TSHZ3: variants seen among roughly 807,000 people sequenced by gnomAD.
The protein encoded by TSHZ3 is teashirt zinc finger homeobox 3.
A neutral mutation model predicts 64.5 loss-of-function variants in TSHZ3; 10 were observed. The ratio of observed to expected loss-of-function variants is 0.16; its 90% CI spans 0.10 to 0.26. The LOEUF (loss-of-function observed/expected upper bound fraction) is 0.26, where lower values mean the gene tolerates loss of function less well. TSHZ3 is among the 10% of genes least tolerant of loss of function. The pLI, the probability that TSHZ3 is intolerant of heterozygous loss-of-function variation, is 1.00. For synonymous variants in TSHZ3, 608 were observed against 593.1 expected (o/e 1.03, Z -0.36); for missense variants, 1,242 against 1,421.7 (o/e 0.87, Z 2.03).
intron 5 of TSHZ3, among the ~76,000 whole-genome samples, chr19:31,169,380 G>T (rs1974503590): frequency 6.6e-6 from 1 of 152,186 alleles, no homozygotes; most frequent in Admixed American, 6.5e-5. Context: ...GTGTTCATTG[G>T]TAGATGAATA....
intron 1 of TSHZ3, among the ~76,000 whole-genome samples, chr19:31,249,469 G>A (rs73565117): frequency 1.3e-5 from 2 of 152,238 alleles, no homozygotes; most frequent in East Asian, 1.9e-4. Context: ...CCTTGGCACC[G>A]ACTGCAGAGT....
At chr19:31,302,437 C>T (rs1407685871) in intron 1 of TSHZ3, among the ~76,000 whole-genome samples, 2 of 152,156 alleles carry the variant, frequency 1.3e-5, no homozygotes, top group African/African-American at 2.4e-5. Context: ...TCATAAGTGG[C>T]CAGCCCAAGG....
intron 3 of TSHZ3, among the ~76,000 whole-genome samples, chr19:31,240,041 A>C (rs757980951): frequency 2.0e-5 from 3 of 151,938 alleles, no homozygotes; most frequent in African/African-American, 4.8e-5. Flanking sequence ...GAATTGACTT[A>C]GATTTTTGGT....
At chr19:31,318,804 A>G (rs1463058648) in intron 1 of TSHZ3, among the ~76,000 whole-genome samples, 1 of 152,236 alleles carries the variant, frequency 6.6e-6, no homozygotes, top group East Asian at 1.9e-4. Flanking sequence ...AGTTCATTCA[A>G]TAAAAGTATC....
Position 31,279,789 on chromosome 19 carries a change from G to A in TSHZ3, c.41-37C>T. On this transcript the variant is annotated intron_variant, in intron 1 of 1. Transcript: ENST00000240587. This position sits in a 1 kb window ranked among gnomAD's most constrained non-coding sequence, Gnocchi z 6.4. ...ACAGGTGGGAAAGAGAGACAGGTAG[G>A]ATGGAATGAAGAGAGACAGGGAGAA... 1 of 1,463,168 alleles carries A rather than the reference G, an allele frequency of 6.8e-7. No individual in the cohort carries two copies. 90.6% of individuals were successfully genotyped at this position (1,463,168 alleles called of 1,614,324 possible).
chr19:31,191,173 A>T (rs1386059024), intron 5 of TSHZ3, among the ~76,000 whole-genome samples: 1 of 152,230 alleles, frequency 6.6e-6, no homozygotes, highest in Non-Finnish European at 1.5e-5. Context: ...AACAATATCA[A>T]CACGGTTGAC....
chr19:31,310,953 GC>G (rs1916439911), intron 1 of TSHZ3, among the ~76,000 whole-genome samples: 1 of 152,192 alleles, frequency 6.6e-6, no homozygotes, highest in Non-Finnish European at 1.5e-5. Context: ...CGACATTTCA[GC>G]CCCTCACTGG....
intron 5 of TSHZ3, among the ~76,000 whole-genome samples, chr19:31,184,044 T>C (rs1182566446): frequency 2.0e-5 from 3 of 152,172 alleles, no homozygotes; most frequent in African/African-American, 7.2e-5. Context: ...CGTGACGATA[T>C]TATGACCGTG....
chr19:31,340,679 C>T (rs1276202929), intron 1 of TSHZ3, among the ~76,000 whole-genome samples: 1 of 152,172 alleles, frequency 6.6e-6, no homozygotes, highest in Non-Finnish European at 1.5e-5. Context: ...TTATCATCAT[C>T]ACCATCAAAA....
intron 4 of TSHZ3, among the ~76,000 whole-genome samples, chr19:31,225,017 C>A (rs1325362178): frequency 6.6e-6 from 1 of 152,214 alleles, no homozygotes; most frequent in Non-Finnish European, 1.5e-5. Flanking sequence ...CTGCAATGTG[C>A]TGGCTGGAGG....
intron 5 of TSHZ3, among the ~76,000 whole-genome samples, chr19:31,164,208 T>C (rs1158242520): frequency 1.3e-5 from 2 of 152,078 alleles, no homozygotes; most frequent in East Asian, 3.9e-4. Flanking sequence ...GTTTTAGAGC[T>C]TCTCAGGCCA....
chr19:31,277,808 C>T lies in TSHZ3; in HGVS notation c.1985G>A (p.Gly662Glu). ...GCTGTTCTCCTGGCTGCGGAAGCCC[C>T]CATCGCTGGATGCCTCCATCTTGAT... Reference protein sequence around the residue: ...EPIKMEASSDGGFRSQENSPS... With the variant: ...EPIKMEASSDEGFRSQENSPS... The change falls in exon 2 of 2, where the codon GGG becomes GAG. Residue 662 changes from glycine (G) to glutamate (E), a missense_variant. This residue lies in a region of TSHZ3 where 550 missense variants were observed against 545.1 expected (regional missense o/e 1.01). Coordinates refer to ENST00000240587, the MANE Select transcript of TSHZ3 (RefSeq NM_020856.4). The surrounding 1 kb of genome is among the most constrained non-coding windows in gnomAD (Gnocchi z 4.5). The T allele has an allele frequency of 6.5e-7, 1 of 1,549,934 alleles. No individual in the cohort carries two copies. The highest frequency in any genetic ancestry group is 2.2e-5 in the East Asian group (1 of 44,520).
intron 1 of TSHZ3, among the ~76,000 whole-genome samples, chr19:31,303,980 ATT>A (rs35985133): frequency 0.34 from 49,742 of 146,524 alleles, 9,241 homozygotes; most frequent in South Asian, 0.5. Flanking sequence ...TTTTATTTTC[ATT>A]TTTTTTTTTT....
intron 1 of TSHZ3, among the ~76,000 whole-genome samples, chr19:31,326,937 G>T (rs1430194476): frequency 6.6e-6 from 1 of 152,184 alleles, no homozygotes; most frequent in Non-Finnish European, 1.5e-5. Flanking sequence ...AGAGAAGCAT[G>T]CAAATACAGG....
In TSHZ3 at chr19:31,279,628, G is replaced by A. The variant is rs187062441; in HGVS notation, c.165C>T (p.Ala55=). The change falls in exon 2 of 2, where the codon GCC becomes GCT. Residue 55 remains alanine (A), a synonymous_variant. Coordinates refer to ENST00000240587, the MANE Select transcript of TSHZ3 (RefSeq NM_020856.4). This position sits in a 1 kb window ranked among gnomAD's most constrained non-coding sequence, Gnocchi z 6.4. ...CCGGGGAGTTCTGGTAGCTGGGGCAGGCCCTGGCGAGCTCCTTCTCCGGGC... is the reference window on the plus strand; with the variant it reads ...CCGGGGAGTTCTGGTAGCTGGGGCAAGCCCTGGCGAGCTCCTTCTCCGGGC... ...YMCPEKELAR[A]CPSYQNSPAA... The A allele has an allele frequency of 4.2e-4, 681 of 1,611,628 alleles. 10 individuals are homozygous for A. The Middle Eastern group carries it at 0.012, about 29-fold the overall frequency.
rs556606409 is a variant in TSHZ3, at chr19:31,279,169, G to A, written c.624C>T (p.Phe208=). The change falls in exon 2 of 2, where the codon TTC becomes TTT. Residue 208 remains phenylalanine (F), a synonymous_variant. Coordinates refer to ENST00000240587, the MANE Select transcript of TSHZ3 (RefSeq NM_020856.4). This position sits in a 1 kb window ranked among gnomAD's most constrained non-coding sequence, Gnocchi z 6.4. ...TACAGCGGAACTTGCTGGCCCCCGT[G>A]AAGATGGAGCCATAGAGCTTGCTGC... ...RQSSKLYGSI[F]TGASKFRCKD... is the part of the protein sequence containing the mutation. 64 of 1,613,076 alleles carry A rather than the reference G, an allele frequency of 4.0e-5. No homozygotes were observed. In the South Asian group the frequency reaches 6.5e-4, roughly 16 times the overall value.
At chr19:31,198,671 C>T (rs1486733441) in intron 5 of TSHZ3, among the ~76,000 whole-genome samples, 2 of 151,992 alleles carry the variant, frequency 1.3e-5, no homozygotes, top group Admixed American at 6.5e-5. Context: ...AACAAAATAC[C>T]GTTTATATTA....
chr19:31,160,583 G>A (rs982139283), intron 5 of TSHZ3, among the ~76,000 whole-genome samples: 10 of 152,096 alleles, frequency 6.6e-5, no homozygotes, highest in African/African-American at 2.4e-4. Flanking sequence ...CAGCTGCAGG[G>A]AAAGGCCTCA....
At chr19:31,184,488 A>G (rs1042005414) in intron 5 of TSHZ3, among the ~76,000 whole-genome samples, 1 of 152,178 alleles carries the variant, frequency 6.6e-6, no homozygotes, top group Non-Finnish European at 1.5e-5. Flanking sequence ...CTCTACAATC[A>G]GGGTGATTAC....
Sources: allele counts gnomAD v4.1 joint callset (sites outside exome capture counted in the v4.1 genomes callset), GRCh38; gene constraint gnomAD v4.1.1; regional missense constraint gnomAD v4.1.1; non-coding constraint Gnocchi (gnomAD v3.1); transcripts MANE v1.5; gene names NCBI Gene and HGNC (gene_info 2026-07-23, HGNC 2026-07-21).